Variants in ZNF75D observed in about 807,000 individuals in gnomAD.
ZNF75D encodes zinc finger protein 75.
ZNF75D carries 33 observed loss-of-function variants against 33.3 expected under a neutral mutation model. The ratio of observed to expected loss-of-function variants is 0.99; its 90% CI spans 0.75 to 1.32. ZNF75D has a LOEUF of 1.32. Among genes scored for constraint, ZNF75D ranks in the 40% most tolerant of loss-of-function variants. ZNF75D has a pLI of 0.00. For synonymous variants in ZNF75D, 113 were observed against 130.6 expected (o/e 0.87, Z 0.92); for missense variants, 338 against 367.5 (o/e 0.92, Z 0.66).
At chrX:135,326,788 C>T (rs1290188934) in intron 1 of ZNF75D, among the ~76,000 whole-genome samples, 1 of 111,147 alleles carries the variant, frequency 9.0e-6, no homozygotes, top group East Asian at 2.8e-4. Flanking sequence ...ACACTCACCG[C>T]GAAGGTCTGC....
chrX:135,265,383 AAAG>A (rs1171435219), intron 1 of ZNF75D, among the ~76,000 whole-genome samples: 1 of 111,661 alleles, frequency 9.0e-6, no homozygotes, highest in African/African-American at 3.3e-5. Flanking sequence ...GGTTTAACCT[AAAG>A]AAGACTACCT....
intron 4 of ZNF75D, 110 bp from the exon 5 acceptor site, chrX:135,291,673 T>C (rs2084042828): frequency 8.5e-6 from 9 of 1,060,225 alleles, no homozygotes; most frequent in Non-Finnish European, 6.3e-6. Flanking sequence ...ATGGGTCACA[T>C]TGACAAGTGT....
intron 1 of ZNF75D, among the ~76,000 whole-genome samples, chrX:135,278,555 T>A (rs1483652985): frequency 1.8e-5 from 2 of 111,897 alleles, no homozygotes; most frequent in Non-Finnish European, 3.8e-5. Flanking sequence ...AGGGCATCCT[T>A]GTCTTTTGGT....
At chrX:135,303,974 A>C (rs1052971066) in intron 1 of ZNF75D, among the ~76,000 whole-genome samples, 4 of 112,773 alleles carry the variant, frequency 3.5e-5, no homozygotes, top group Middle Eastern at 4.2e-3. Context: ...GTCACCTAAC[A>C]TAATGCTCAA....
intron 1 of ZNF75D, among the ~76,000 whole-genome samples, chrX:135,258,612 C>G (rs1176689063): frequency 9.0e-6 from 1 of 111,722 alleles, no homozygotes; most frequent in East Asian, 2.8e-4. Flanking sequence ...AGTGTCTATT[C>G]ATATCCTTTG....
At chrX:135,274,210 T>G (rs1261763030) in intron 1 of ZNF75D, among the ~76,000 whole-genome samples, 1 of 112,353 alleles carries the variant, frequency 8.9e-6, no homozygotes, top group Non-Finnish European at 1.9e-5. Flanking sequence ...AATTGTCTTG[T>G]AAGTAAAAGA....
At chrX:135,320,645 G>T (rs1556433932) in intron 1 of ZNF75D, among the ~76,000 whole-genome samples, 2 of 111,832 alleles carry the variant, frequency 1.8e-5, no homozygotes, top group Admixed American at 1.9e-4. Flanking sequence ...ATGAATGATG[G>T]TTTCCAACTG....
chrX:135,329,434 T>G (rs2084624551), intron 1 of ZNF75D, among the ~76,000 whole-genome samples: 2 of 111,667 alleles, frequency 1.8e-5, no homozygotes, highest in South Asian at 7.5e-4. Flanking sequence ...CATGTCACCA[T>G]GCCCAGCTAA....
chrX:135,318,511 A>G (rs1422486777), intron 1 of ZNF75D, among the ~76,000 whole-genome samples: 1 of 111,886 alleles, frequency 8.9e-6, no homozygotes, highest in Non-Finnish European at 1.9e-5. Flanking sequence ...CGGAACTTAG[A>G]TGACCAAAAT....
intron 1 of ZNF75D, among the ~76,000 whole-genome samples, chrX:135,331,381 G>C (rs1309739134): frequency 1.8e-5 from 2 of 109,696 alleles, no homozygotes; most frequent in East Asian, 5.7e-4. Context: ...TAACAAGACT[G>C]TGACATGGCT....
At chrX:135,303,709 G>A (rs1404531758) in intron 1 of ZNF75D, among the ~76,000 whole-genome samples, 1 of 112,629 alleles carries the variant, frequency 8.9e-6, no homozygotes, top group Non-Finnish European at 1.9e-5. Context: ...ACAAGGGATG[G>A]GCTAGCCAGC....
intron 1 of ZNF75D, among the ~76,000 whole-genome samples, chrX:135,262,908 G>T (rs1556415779): frequency 8.9e-6 from 1 of 112,629 alleles, no homozygotes; most frequent in Non-Finnish European, 1.9e-5. Context: ...TTTCTGCTCT[G>T]CTTTCTCCCC....
chrX:135,324,937 T>G (rs2084542712), intron 1 of ZNF75D, among the ~76,000 whole-genome samples: 1 of 110,903 alleles, frequency 9.0e-6, no homozygotes, highest in Non-Finnish European at 1.9e-5. Context: ...GACCTGACCA[T>G]CGGCCATGGT....
chrX:135,325,524 G>A (rs1168344700), intron 1 of ZNF75D, among the ~76,000 whole-genome samples: 1 of 112,042 alleles, frequency 8.9e-6, no homozygotes, highest in Non-Finnish European at 1.9e-5. Context: ...GGTGGGCATG[G>A]GCTTGGCGGG....
chrX:135,320,311 C>G (rs1602644680), intron 1 of ZNF75D, among the ~76,000 whole-genome samples: 1 of 109,623 alleles, frequency 9.1e-6, no homozygotes, highest in South Asian at 3.9e-4. Flanking sequence ...AAAAAAAGAT[C>G]TTAGAATCTA....
chrX:135,260,936 T>C (rs1420904492), intron 1 of ZNF75D, among the ~76,000 whole-genome samples: 1 of 112,425 alleles, frequency 8.9e-6, no homozygotes, highest in African/African-American at 3.2e-5. Flanking sequence ...GGGCATTTAG[T>C]GCTATAAATT....
intron 1 of ZNF75D, among the ~76,000 whole-genome samples, chrX:135,300,179 G>A (rs1487026004): frequency 2.7e-5 from 3 of 111,923 alleles, no homozygotes; most frequent in African/African-American, 9.7e-5. Context: ...TATTAATGTG[G>A]TATTCGGTGT....
rs1347317563 is a variant in ZNF75D at position 135,306,284 on chromosome X, TACATACAC to T, written c.-390-10253_-390-10246del. Among the ~76,000 whole-genome samples the T allele has an allele frequency of 1.1e-3, 58 of 53,812 alleles. No individual in the cohort carries two copies. In the South Asian group the frequency reaches 0.061, roughly 56 times the overall value. The allele number at this position is 53,812 out of a possible 115,157, so 46.7% of individuals were successfully genotyped here. On this transcript the variant is annotated intron_variant, in intron 1 of 6. Coordinates refer to ENST00000370766, the MANE Select transcript of ZNF75D (RefSeq NM_007131.5). ...CTTCAGGAAGACAGGACAACAGAGA[TACATACAC>T]ACACACACACACACACACACACACA...
chrX:135,291,246 A>G (rs1212318463), intron 5 of ZNF75D, 111 bp from the exon 6 acceptor site: 6 of 984,335 alleles, frequency 6.1e-6, no homozygotes, highest in Non-Finnish European at 8.4e-6. Flanking sequence ...ACAGTACAAG[A>G]TTTAGGGGAA....
Sources: allele counts gnomAD v4.1 joint callset (sites outside exome capture counted in the v4.1 genomes callset), GRCh38; gene constraint gnomAD v4.1.1; transcripts MANE v1.5; gene names NCBI Gene and HGNC (gene_info 2026-07-23, HGNC 2026-07-21).